PPL: variants seen among roughly 807,000 people sequenced by gnomAD.
PPL encodes the protein 190 kDa paraneoplastic pemphigus antigen.
A neutral mutation model predicts 194.4 loss-of-function variants in PPL; 198 were observed. That is an observed-to-expected ratio of 1.02 (90% CI 0.91 to 1.15). The LOEUF is 1.15. Ranked by LOEUF, PPL falls within the 50% of genes most tolerant of loss-of-function variation. The pLI, the probability that PPL is intolerant of heterozygous loss-of-function variation, is 0.00. For missense variants in PPL, 2,885 were observed against 2,294.8 expected (o/e 1.26, Z -5.25); for synonymous variants, 1,220 against 972.4 (o/e 1.25, Z -4.74).
At chr16:4,911,918 C>T (rs991983944) in intron 1 of PPL, among the ~76,000 whole-genome samples, 3 of 151,964 alleles carry the variant, frequency 2.0e-5, no homozygotes, top group African/African-American at 7.3e-5. Context: ...TTCACTATAG[C>T]CTCGAACTCC....
chr16:4,929,131 T>C (rs2089197171), intron 1 of PPL, among the ~76,000 whole-genome samples: 1 of 148,872 alleles, frequency 6.7e-6, no homozygotes, highest in South Asian at 2.2e-4. Context: ...TCTCAGACAA[T>C]GTAATAATCA....
chr16:4,915,826 G>A (rs2088905700), intron 1 of PPL, among the ~76,000 whole-genome samples: 3 of 152,182 alleles, frequency 2.0e-5, no homozygotes, highest in African/African-American at 4.8e-5. Flanking sequence ...GTTTATGGGT[G>A]TGGAAACTGA....
rs2088569871 is a variant in PPL at position 4,901,487 on chromosome 16, G to C, written c.439-398C>G. ...TCGGATCGCTTGAGCCCAGGAGTTT[G>C]AGACCAGCCTGGCCAATGTAGCAAA... On this transcript the variant is annotated intron_variant, in intron 4 of 21. Transcript: ENST00000345988. Among the ~76,000 whole-genome samples, 5 of 152,236 alleles carry C rather than the reference G, an allele frequency of 3.3e-5. No homozygotes were observed. In the South Asian group the frequency reaches 1.0e-3, roughly 32 times the overall value.
At chr16:4,935,726 G>C (rs1467954046) in intron 1 of PPL, among the ~76,000 whole-genome samples, 2 of 152,226 alleles carry the variant, frequency 1.3e-5, no homozygotes, top group Non-Finnish European at 2.9e-5. Context: ...AGCGTGCTAG[G>C]GCCCCGCCGC....
At position 4,903,972 on chromosome 16, in the gene PPL, G is replaced by A; in HGVS notation, c.231C>T (p.Asp77=). The A allele has an allele frequency of 6.2e-7, 1 of 1,613,954 alleles. No individual in the cohort carries two copies. The highest frequency in any genetic ancestry group is 8.5e-7 in the Non-Finnish European group (1 of 1,180,050). The change falls in exon 3 of 22, where the codon GAC becomes GAT. Residue 77 remains aspartate (D), a synonymous_variant. Transcript: ENST00000345988. Reference sequence around the variant, plus strand: ...CTAGCACATAGAGCAGCTTCTCAGAGTCCAACACCTTCTGCAGGGTCACGT... The same window carrying A: ...CTAGCACATAGAGCAGCTTCTCAGAATCCAACACCTTCTGCAGGGTCACGT... The part of the protein sequence containing the change: ...HRDVTLQKVL[D]SEKLLYVLEA...
rs745467304 is a variant in PPL at position 4,884,963 on chromosome 16, A to T, written c.3692T>A (p.Val1231Glu). 27 of 1,613,764 alleles carry T rather than the reference A, an allele frequency of 1.7e-5. No homozygotes were observed. The highest frequency in any genetic ancestry group is 2.2e-5 in the Non-Finnish European group (26 of 1,179,990). The change falls in exon 22 of 22, where the codon GTG becomes GAG. Residue 1231 changes from valine (V) to glutamate (E), a missense_variant. Physicochemically the swap from Val to Glu is moderately radical, Grantham distance 121. Coordinates refer to ENST00000345988, the MANE Select transcript of PPL (RefSeq NM_002705.5). This position sits in a 1 kb window ranked among gnomAD's most constrained non-coding sequence, Gnocchi z 5.7. ...CTTGTACTTAATGACTTCCTTAGTC[A>T]CCTCTTTGACTTCCACCTGGGGGCC... ...RRGPQVEVKE[V>E]TKEVIKYKTD... is the part of the protein sequence containing the mutation.
At chr16:4,912,325 C>T (rs1055177068) in intron 1 of PPL, among the ~76,000 whole-genome samples, 2 of 152,232 alleles carry the variant, frequency 1.3e-5, no homozygotes, top group African/African-American at 4.8e-5. Flanking sequence ...TTTGCGTCTG[C>T]CTTCTCTCAG....
chr16:4,934,478 A>C (rs950874454), intron 1 of PPL, among the ~76,000 whole-genome samples: 4 of 151,950 alleles, frequency 2.6e-5, no homozygotes, highest in African/African-American at 4.8e-5. Flanking sequence ...CCTATGCATG[A>C]GACACTCAGT....
In PPL at chr16:4,885,243, C is replaced by T. The variant is rs1419546290; in HGVS notation, c.3412G>A (p.Glu1138Lys). ...REVSDLTRQY[E>K]DEAAKARASQ... is the part of the protein sequence containing the mutation. Reference sequence around the variant, plus strand: ...GCGCGAGCCTTGGCAGCCTCGTCCTCATATTGGCGGGTGAGATCGCTGACC... The same window carrying T: ...GCGCGAGCCTTGGCAGCCTCGTCCTTATATTGGCGGGTGAGATCGCTGACC... Residue 1138 changes from glutamate to lysine, a missense_variant, in exon 22 of 22, where the codon GAG becomes AAG. Coordinates refer to ENST00000345988, the MANE Select transcript of PPL (RefSeq NM_002705.5). The surrounding 1 kb of genome is among the most constrained non-coding windows in gnomAD (Gnocchi z 6.3). 3 of 1,613,788 alleles carry T rather than the reference C, an allele frequency of 1.9e-6. No homozygotes were observed. Among genetic ancestry groups the T allele is most frequent in the East Asian group, 4.5e-5 (2 of 44,862 alleles).
chr16:4,925,116 T>C (rs2089131979), intron 1 of PPL, among the ~76,000 whole-genome samples: 1 of 152,180 alleles, frequency 6.6e-6, no homozygotes, highest in Non-Finnish European at 1.5e-5. Context: ...GCTGCTGGAA[T>C]GTCTGGAACG....
At chr16:4,921,209 A>G (rs1287859878) in intron 1 of PPL, among the ~76,000 whole-genome samples, 1 of 152,230 alleles carries the variant, frequency 6.6e-6, no homozygotes, top group Non-Finnish European at 1.5e-5. Context: ...CAAGCAAGGA[A>G]AAATGGAACC....
At chr16:4,900,895 G>A (rs374901778) in intron 5 of PPL, 24 bp from the exon 6 acceptor site, 22 of 1,614,078 alleles carry the variant, frequency 1.4e-5, no homozygotes, top group Non-Finnish European at 1.9e-5. Flanking sequence ...CGAGGGCATG[G>A]GTCAGGGCCA....
At chr16:4,910,637 C>T (rs890255504) in intron 2 of PPL, among the ~76,000 whole-genome samples, 9 of 152,188 alleles carry the variant, frequency 5.9e-5, no homozygotes, top group African/African-American at 2.2e-4. Context: ...CTACAGTGCA[C>T]GGTAGGGTGT....
rs757783826 is a variant in PPL at position 4,895,407 on chromosome 16, C to G, written c.1096G>C (p.Asp366His). ...TACTTGTCCAGCACCTTCTCCTGGT[C>G]CTGGAGAGAACGGGGTCAGGGGCCC... The part of the protein sequence containing the change: ...QIELLLRELD[D>H]QEKVLDKYED... The change falls in exon 11 of 22, where the codon GAC (aspartate) becomes CAC (histidine). Residue 366 changes from aspartate to histidine, a missense_variant and splice_region_variant. Asp to His is a moderately conservative substitution (Grantham distance 81). Coordinates refer to ENST00000345988, the MANE Select transcript of PPL (RefSeq NM_002705.5). 6.2e-7 allele frequency: 1 copy of G among 1,612,916 alleles called. No homozygotes were observed. The highest frequency in any genetic ancestry group is 1.3e-5 in the African/African-American group (1 of 75,042).
rs2088356541 is a variant in PPL at position 4,893,354 on chromosome 16, C to A, written c.1509G>T (p.Gln503His). Residue 503 changes from glutamine to histidine, a missense_variant, in exon 14 of 22, where the codon CAG (glutamine) becomes CAT (histidine). Physicochemically the swap from Gln to His is conservative, Grantham distance 24. Coordinates refer to ENST00000345988, the MANE Select transcript of PPL (RefSeq NM_002705.5). Reference sequence around the variant, plus strand: ...CCAAGCCAGCCAGCAGCTGCCGCCCCTGTAGGTCAGAGGCATCTGTGGAGG... The same window carrying A: ...CCAAGCCAGCCAGCAGCTGCCGCCCATGTAGGTCAGAGGCATCTGTGGAGG... ...TENPGDASDL[Q>H]GRQLLAGLDK... is the part of the protein sequence containing the mutation. The A allele has an allele frequency of 6.2e-7, 1 of 1,607,554 alleles. No individual in the cohort carries two copies. Among genetic ancestry groups the A allele is most frequent in the African/African-American group, 1.3e-5 (1 of 75,044 alleles).
rs545891412 is a variant in PPL at position 4,928,641 on chromosome 16, C to T, written c.62+8343G>A. 1.2e-4 allele frequency among the ~76,000 whole-genome samples: 18 copies of T among 152,294 alleles called. No individual in the cohort carries two copies. In the South Asian group the frequency reaches 3.5e-3, roughly 30 times the overall value. On this transcript the variant is annotated intron_variant, in intron 1 of 21. Transcript: ENST00000345988. Reference sequence around the variant, plus strand: ...GCCATGGCGATGGTTTGTTTCCCATCGAAGGGTGGGAAAGGATTCCAAGTT... The same window carrying T: ...GCCATGGCGATGGTTTGTTTCCCATTGAAGGGTGGGAAAGGATTCCAAGTT...
intron 1 of PPL, among the ~76,000 whole-genome samples, chr16:4,933,089 C>T (rs530564717): frequency 6.6e-6 from 1 of 152,066 alleles, no homozygotes; most frequent in East Asian, 1.9e-4. Context: ...GCAACCTCTG[C>T]CTCCCAGGTT....
intron 1 of PPL, among the ~76,000 whole-genome samples, chr16:4,931,653 G>A (rs920366126): frequency 2.0e-5 from 3 of 152,204 alleles, no homozygotes; most frequent in African/African-American, 7.2e-5. Context: ...CTGCACGCTG[G>A]GAAGCCAGGG....
rs1346444200 is a variant in PPL at position 4,883,545 on chromosome 16, T to G, written c.5110A>C (p.Asn1704His). 6.2e-7 allele frequency: 1 copy of G among 1,614,038 alleles called. No individual in the cohort carries two copies. The highest frequency in any genetic ancestry group is 1.3e-5 in the African/African-American group (1 of 74,928). The change falls in exon 22 of 22, where the codon AAT becomes CAT. Residue 1704 changes from asparagine (N) to histidine (H), a missense_variant. Transcript: ENST00000345988. This position sits in a 1 kb window ranked among gnomAD's most constrained non-coding sequence, Gnocchi z 4.8. ...DWEEISVKGP[N>H]GESSVIHDRK... The stretch of plus-strand genomic sequence containing the variant: ...TCGTGTATCACTGAGGACTCCCCAT[T>G]GGGACCCTTCACTGAGATCTCCTCC...
Sources: allele counts gnomAD v4.1 joint callset (sites outside exome capture counted in the v4.1 genomes callset), GRCh38; gene constraint gnomAD v4.1.1; non-coding constraint Gnocchi (gnomAD v3.1); transcripts MANE v1.5; gene names NCBI Gene and HGNC (gene_info 2026-07-23, HGNC 2026-07-21).